The following PTPRK variants were observed in gnomAD, a reference collection of about 807,000 sequenced individuals.
The protein encoded by PTPRK is receptor-type tyrosine-protein phosphatase kappa.
PTPRK carries 75 observed loss-of-function variants against 178.0 expected under a neutral mutation model. That is an observed-to-expected ratio of 0.42 (90% CI 0.35 to 0.51). PTPRK has a LOEUF of 0.51. PTPRK is among the 20% of genes least tolerant of loss of function. The pLI, the probability that PTPRK is intolerant of heterozygous loss-of-function variation, is 0.02. For synonymous variants in PTPRK, 637 were observed against 620.6 expected (o/e 1.03, Z -0.39); for missense variants, 1,441 against 1,797.8 (o/e 0.80, Z 3.59).
chr6:128,034,876 G>C (rs1024617502), intron 13 of PTPRK, among the ~76,000 whole-genome samples: 1 of 152,074 alleles, frequency 6.6e-6, no homozygotes, highest in Non-Finnish European at 1.5e-5. Flanking sequence ...ATCTGTTAAA[G>C]ATACACATTT....
intron 3 of PTPRK, among the ~76,000 whole-genome samples, chr6:128,264,081 C>T (rs1310937964): frequency 6.6e-6 from 1 of 152,100 alleles, no homozygotes; most frequent in East Asian, 1.9e-4. Flanking sequence ...AGATTGGCAG[C>T]AAAGCTAAAA....
chr6:128,286,315 T>C (rs1368380247), intron 3 of PTPRK, among the ~76,000 whole-genome samples: 2 of 152,172 alleles, frequency 1.3e-5, no homozygotes, highest in Non-Finnish European at 2.9e-5. Context: ...TTTCCAAATA[T>C]TTTTGTTCTC....
chr6:128,119,182 A>G (rs148413411), intron 7 of PTPRK, among the ~76,000 whole-genome samples: 17 of 152,208 alleles, frequency 1.1e-4, no homozygotes, highest in African/African-American at 3.4e-4. Flanking sequence ...CTCTCCAGTA[A>G]TAAAAACATA....
At position 128,268,478 on chromosome 6, in the gene PTPRK, T is replaced by C. The variant is rs574401737; in HGVS notation, c.496-25876A>G. On this transcript the variant is annotated intron_variant, in intron 3 of 29. Transcript: ENST00000368226. ...TGAAAGAAGACAGAGCTATTAGAAA[T>C]GCTTATGATTTCGCCTTTCTTGGGA... Among the ~76,000 whole-genome samples the C allele has an allele frequency of 3.9e-5, 6 of 152,100 alleles. No homozygotes were observed. In the South Asian group the frequency reaches 8.3e-4, roughly 21 times the overall value.
At chr6:128,139,979 T>C (rs1413590402) in intron 7 of PTPRK, among the ~76,000 whole-genome samples, 1 of 152,038 alleles carries the variant, frequency 6.6e-6, no homozygotes, top group Non-Finnish European at 1.5e-5. Context: ...GGGAACACTC[T>C]TGGACTACTC....
At chr6:128,131,884 T>C (rs1004349732) in intron 7 of PTPRK, among the ~76,000 whole-genome samples, 2 of 152,208 alleles carry the variant, frequency 1.3e-5, no homozygotes, top group Non-Finnish European at 2.9e-5. Flanking sequence ...TTTTTTGTTA[T>C]TGTTCTTGGC....
chr6:128,074,563 A>ATTC (rs2114970256), intron 11 of PTPRK, among the ~76,000 whole-genome samples: 1 of 152,220 alleles, frequency 6.6e-6, no homozygotes, highest in East Asian at 1.9e-4. Flanking sequence ...TGAACACAGT[A>ATTC]ATGATTGTCA....
chr6:128,020,357 T>C (rs1340874736), intron 13 of PTPRK, among the ~76,000 whole-genome samples: 7 of 152,110 alleles, frequency 4.6e-5, no homozygotes, highest in Non-Finnish European at 1.0e-4. Flanking sequence ...ACAGAACAAC[T>C]AAACCTGACC....
At chr6:128,213,438 G>A (rs1167089533) in intron 6 of PTPRK, among the ~76,000 whole-genome samples, 1 of 151,994 alleles carries the variant, frequency 6.6e-6, no homozygotes, top group African/African-American at 2.4e-5. Context: ...GGTAAAATTA[G>A]TATGTGATTC....
intron 13 of PTPRK, among the ~76,000 whole-genome samples, chr6:128,022,256 T>G (rs536877343): frequency 6.6e-6 from 1 of 152,178 alleles, no homozygotes; most frequent in Non-Finnish European, 1.5e-5. Context: ...CTTTCTTCTT[T>G]ATGGCTGCTT....
intron 7 of PTPRK, among the ~76,000 whole-genome samples, chr6:128,140,109 G>T (rs1250959938): frequency 6.6e-6 from 1 of 151,902 alleles, no homozygotes; most frequent in Non-Finnish European, 1.5e-5. Flanking sequence ...ATTGCTTCCA[G>T]ACTCCTTAGC....
intron 14 of PTPRK, among the ~76,000 whole-genome samples, chr6:128,006,698 T>G (rs1562422695): frequency 6.6e-6 from 1 of 151,016 alleles, no homozygotes; most frequent in Non-Finnish European, 1.5e-5. Flanking sequence ...GAGTTATTAA[T>G]GTGTTCATGC....
chr6:128,455,684 A>G (rs1173621322), intron 1 of PTPRK, among the ~76,000 whole-genome samples: 1 of 152,124 alleles, frequency 6.6e-6, no homozygotes, highest in Non-Finnish European at 1.5e-5. Context: ...AAGGTCATAC[A>G]TTTGTAATAT....
At chr6:128,059,316 A>G (rs1489253185) in intron 13 of PTPRK, among the ~76,000 whole-genome samples, 6 of 152,110 alleles carry the variant, frequency 3.9e-5, no homozygotes, top group Non-Finnish European at 5.9e-5. Context: ...ATTTCTCTCA[A>G]TAAGATTTTG....
intron 7 of PTPRK, among the ~76,000 whole-genome samples, chr6:128,162,854 A>G (rs1798889151): frequency 6.6e-6 from 1 of 151,592 alleles, no homozygotes; most frequent in Non-Finnish European, 1.5e-5. Flanking sequence ...GATTAGCACA[A>G]TTCTAGGTGC....
rs777515739 is a variant in PTPRK at position 127,982,935 on chromosome 6, A to T, written c.3433T>A (p.Cys1145Ser). The T allele has an allele frequency of 6.2e-7, 1 of 1,613,434 alleles. No individual in the cohort carries two copies. Among genetic ancestry groups the T allele is most frequent in the Non-Finnish European group, 8.5e-7 (1 of 1,179,494 alleles). The change falls in exon 24 of 30, where the codon TGT (cysteine) becomes AGT (serine). Residue 1145 changes from cysteine to serine, a missense_variant. Cys to Ser is a moderately radical substitution (Grantham distance 112). Transcript: ENST00000368226. Reference sequence around the variant, plus strand: ...CAGACAGGTATGGCAGTTTCTCCACATAAGCAGGCTTCTAAAATGGCATCA... The same window carrying T: ...CAGACAGGTATGGCAGTTTCTCCACTTAAGCAGGCTTCTAAAATGGCATCA... Reference protein sequence around the residue: ...IHDAILEACLCGETAIPVCEF... With the variant: ...IHDAILEACLSGETAIPVCEF...
At chr6:128,009,919 A>C (rs530016174) in intron 13 of PTPRK, among the ~76,000 whole-genome samples, 1 of 151,298 alleles carries the variant, frequency 6.6e-6, no homozygotes, top group African/African-American at 2.4e-5. Context: ...ATTATTTTTA[A>C]AAACTTCTTT....
At chr6:128,162,110 G>C (rs1798791448) in intron 7 of PTPRK, among the ~76,000 whole-genome samples, 1 of 151,522 alleles carries the variant, frequency 6.6e-6, no homozygotes, top group African/African-American at 2.4e-5. Context: ...ACAGTAAGTG[G>C]CAATATACCA....
chr6:128,427,652 G>A (rs1188590623), intron 1 of PTPRK, among the ~76,000 whole-genome samples: 1 of 152,046 alleles, frequency 6.6e-6, no homozygotes, highest in Non-Finnish European at 1.5e-5. Context: ...TATTACTTCT[G>A]TATTCCCCAA....
Sources: gnomAD v4.1 joint callset for allele counts (sites outside exome capture counted in the v4.1 genomes callset) on GRCh38, gnomAD v4.1.1 for gene constraint, MANE v1.5 for transcripts, NCBI Gene and HGNC (gene_info 2026-07-23, HGNC 2026-07-21) for gene names.